Variants in CRYBG1 observed in about 807,000 individuals in gnomAD.
CRYBG1 encodes the protein beta/gamma crystallin domain-containing protein 1.
CRYBG1 carries 139 observed loss-of-function variants against 189.2 expected under a neutral mutation model. The ratio of observed to expected loss-of-function variants is 0.73; its 90% CI spans 0.64 to 0.85. The LOEUF (loss-of-function observed/expected upper bound fraction) is 0.85, where lower values mean the gene tolerates loss of function less well. CRYBG1 is among the 40% of genes least tolerant of loss of function. CRYBG1 has a pLI of 0.00. For synonymous variants in CRYBG1, 1,023 were observed against 1,017.1 expected, an observed-to-expected ratio of 1.01 and a Z score of -0.11; for missense variants, 2,611 against 2,675.8, an observed-to-expected ratio of 0.98 and a Z score of 0.53.
At chr6:106,534,923 T>C (rs957500842) in intron 8 of CRYBG1, among the ~76,000 whole-genome samples, 2 of 152,174 alleles carry the variant, frequency 1.3e-5, no homozygotes, top group African/African-American at 4.8e-5. Context: ...AACACCATCA[T>C]TTGACTGAGG....
chr6:106,409,059 A>G (rs1770877467), intron 1 of CRYBG1, among the ~76,000 whole-genome samples: 1 of 152,214 alleles, frequency 6.6e-6, no homozygotes, highest in South Asian at 2.1e-4. Flanking sequence ...AGTGTATTCA[A>G]ATAGGAAGAG....
At chr6:106,379,462 C>T (rs902359820) in intron 1 of CRYBG1, among the ~76,000 whole-genome samples, 3 of 150,988 alleles carry the variant, frequency 2.0e-5, no homozygotes, top group Non-Finnish European at 3.0e-5. Context: ...GGGGTTTCAC[C>T]GGGTTAGCCA....
chr6:106,560,970 A>C, intron 19 of CRYBG1, 44 bp downstream of exon 19: 1 of 1,514,840 alleles, frequency 6.6e-7, no homozygotes, highest in South Asian at 1.3e-5. Context: ...CTTCTCTGAA[A>C]TTTTTTTGTA....
chr6:106,444,304 G>C (rs1771621404), intron 1 of CRYBG1, among the ~76,000 whole-genome samples: 2 of 152,198 alleles, frequency 1.3e-5, no homozygotes, highest in South Asian at 4.1e-4. Flanking sequence ...TGTCCAACTT[G>C]ACTCTTATAA....
intron 1 of CRYBG1, among the ~76,000 whole-genome samples, chr6:106,412,743 A>G (rs1242538688): frequency 3.3e-5 from 5 of 152,214 alleles, no homozygotes; most frequent in Non-Finnish European, 2.9e-5. Flanking sequence ...AAAGATTATT[A>G]TCCTTTATTT....
Position 106,551,910 on chromosome 6 carries a change from T to C in CRYBG1, c.5371T>C (p.Phe1791Leu). Residue 1791 changes from phenylalanine (F) to leucine (L), a missense_variant, in exon 14 of 22, where the codon TTT becomes CTT. Transcript: ENST00000633556. ...TGEQYILDKG[F>L]YTSFEDWGGK... is the part of the protein sequence containing the mutation. ...AGAACAGTATATACTGGATAAAGGATTTTATACCAGTTTTGAGGACTGGGG... is the reference window on the plus strand; with the variant it reads ...AGAACAGTATATACTGGATAAAGGACTTTATACCAGTTTTGAGGACTGGGG... 6.2e-7 allele frequency: 1 copy of C among 1,610,692 alleles called. No individual in the cohort carries two copies. Among genetic ancestry groups the C allele is most frequent in the Non-Finnish European group, 8.5e-7 (1 of 1,177,134 alleles).
At chr6:106,424,509 T>C (rs1278481947) in intron 1 of CRYBG1, among the ~76,000 whole-genome samples, 1 of 152,114 alleles carries the variant, frequency 6.6e-6, no homozygotes, top group African/African-American at 2.4e-5. Context: ...TCACCCAGGC[T>C]GGAGTGAAAT....
chr6:106,397,906 C>T (rs893046990), intron 1 of CRYBG1, among the ~76,000 whole-genome samples: 8 of 152,152 alleles, frequency 5.3e-5, no homozygotes, highest in African/African-American at 1.9e-4. Context: ...TCAATGGAAA[C>T]TATGGATATT....
intron 1 of CRYBG1, among the ~76,000 whole-genome samples, chr6:106,397,233 A>G (rs915980727): frequency 2.6e-5 from 4 of 152,218 alleles, no homozygotes; most frequent in African/African-American, 9.6e-5. Flanking sequence ...AAACATATTT[A>G]TCACCTCACA....
Position 106,568,579 on chromosome 6 carries a change from G to C in CRYBG1, c.*13G>C. 6.3e-7 allele frequency: 1 copy of C among 1,587,474 alleles called. No individual in the cohort carries two copies. The highest frequency in any genetic ancestry group is 8.6e-7 in the Non-Finnish European group (1 of 1,156,728). ...CCTATATACCTGAACAAAGAAGGAA[G>C]AAGAATCTTCTGGAGGTCCTTCCAG... On this transcript the variant is annotated 3_prime_UTR_variant, in exon 22 of 22. Transcript: ENST00000633556.
intron 1 of CRYBG1, among the ~76,000 whole-genome samples, chr6:106,422,378 C>T (rs1397924343): frequency 7.8e-6 from 1 of 128,354 alleles, no homozygotes; most frequent in East Asian, 2.5e-4. Context: ...GTCACCTAGG[C>T]TGGAATGCAG....
chr6:106,463,086 C>G (rs538404677), intron 2 of CRYBG1, among the ~76,000 whole-genome samples: 1 of 152,278 alleles, frequency 6.6e-6, no homozygotes, highest in South Asian at 2.1e-4. Flanking sequence ...CCAGAGAGTT[C>G]AAGGTTGCAG....
intron 1 of CRYBG1, among the ~76,000 whole-genome samples, chr6:106,447,570 A>ATATATC (rs1554236449): frequency 7.2e-6 from 1 of 138,822 alleles, no homozygotes; most frequent in Non-Finnish European, 1.6e-5. Context: ...ATATATATAT[A>ATATATC]TATCTACTAT....
At chr6:106,459,517 G>A (rs1418354385) in intron 2 of CRYBG1, among the ~76,000 whole-genome samples, 3 of 149,434 alleles carry the variant, frequency 2.0e-5, no homozygotes, top group African/African-American at 7.4e-5. Context: ...AAGTCTAAAT[G>A]GACTAAACAG....
chr6:106,370,213 G>C (rs923151566), intron 1 of CRYBG1, among the ~76,000 whole-genome samples: 2 of 152,196 alleles, frequency 1.3e-5, no homozygotes, highest in African/African-American at 4.8e-5. Context: ...TATTATAAAT[G>C]AAAGTATCAT....
chr6:106,414,901 A>G (rs1384369518), intron 1 of CRYBG1, among the ~76,000 whole-genome samples: 4 of 152,210 alleles, frequency 2.6e-5, no homozygotes, highest in African/African-American at 9.6e-5. Context: ...TTCTGATAGA[A>G]GCTACATCAG....
At chr6:106,475,572 A>C (rs1193497704) in intron 2 of CRYBG1, among the ~76,000 whole-genome samples, 1 of 152,210 alleles carries the variant, frequency 6.6e-6, no homozygotes, top group Admixed American at 6.5e-5. Flanking sequence ...GGGAACTGTG[A>C]ACATACTAAT....
chr6:106,403,994 A>C (rs915501478), intron 1 of CRYBG1, among the ~76,000 whole-genome samples: 5 of 152,256 alleles, frequency 3.3e-5, no homozygotes, highest in African/African-American at 1.2e-4. Context: ...GAAAAGTATC[A>C]AAGTTAAGTA....
chr6:106,488,849 G>A (rs1047378279), intron 2 of CRYBG1, among the ~76,000 whole-genome samples: 1 of 152,192 alleles, frequency 6.6e-6, no homozygotes, highest in East Asian at 1.9e-4. Context: ...TGAAAGCAAG[G>A]TGTCAGGGAT....
Sources: allele counts gnomAD v4.1 joint callset (sites outside exome capture counted in the v4.1 genomes callset), GRCh38; gene constraint gnomAD v4.1.1; transcripts MANE v1.5; gene names NCBI Gene and HGNC (gene_info 2026-07-23, HGNC 2026-07-21).